The following HMGCLL1 variants were observed in gnomAD, a reference collection of about 807,000 sequenced individuals.
The protein encoded by HMGCLL1 is 3-hydroxymethyl-3-methylglutaryl-CoA lyase, cytoplasmic.
Under a neutral mutation model 39.1 loss-of-function variants are expected in HMGCLL1, and 36 were observed. The ratio of observed to expected loss-of-function variants is 0.92; its 90% CI spans 0.71 to 1.22. The LOEUF is 1.22. HMGCLL1 is among the 50% of genes most tolerant of loss of function. The pLI, the probability that HMGCLL1 is intolerant of heterozygous loss-of-function variation, is 0.00. For missense variants in HMGCLL1, 451 were observed against 416.5 expected (o/e 1.08, Z -0.72); for synonymous variants, 149 against 144.0 (o/e 1.03, Z -0.25).
chr6:55,515,808 T>A (rs988682967), intron 4 of HMGCLL1, among the ~76,000 whole-genome samples: 4 of 152,150 alleles, frequency 2.6e-5, no homozygotes, highest in African/African-American at 9.7e-5. Context: ...AAATACATTA[T>A]ACGATTAATA....
chr6:55,563,463 G>T (rs942326691), intron 1 of HMGCLL1, among the ~76,000 whole-genome samples: 12 of 152,112 alleles, frequency 7.9e-5, no homozygotes, highest in African/African-American at 2.7e-4. Context: ...TATTGATTAT[G>T]CATAAATTTA....
At chr6:55,557,861 C>T (rs549315372) in intron 1 of HMGCLL1, among the ~76,000 whole-genome samples, 3 of 152,310 alleles carry the variant, frequency 2.0e-5, no homozygotes, top group African/African-American at 7.2e-5. Context: ...CTTAAAAGTG[C>T]TTCATGTACT....
intron 1 of HMGCLL1, among the ~76,000 whole-genome samples, chr6:55,551,746 G>A (rs1414185914): frequency 6.6e-6 from 1 of 152,024 alleles, no homozygotes; most frequent in African/African-American, 2.4e-5. Context: ...AACCCCAATT[G>A]TAGCTTCTGT....
chr6:55,445,338 A>G (rs1230998645), intron 7 of HMGCLL1, among the ~76,000 whole-genome samples: 1 of 152,000 alleles, frequency 6.6e-6, no homozygotes, highest in African/African-American at 2.4e-5. Context: ...TTATTTCACT[A>G]TGTATGTTTT....
the HMGCLL1 span, among the ~76,000 whole-genome samples, chr6:55,600,649 T>G: frequency 6.6e-6 from 1 of 152,128 alleles, no homozygotes; most frequent in African/African-American, 2.4e-5. Context: ...AGATATGCAA[T>G]GTAATTCTAA....
At chr6:55,663,358 T>C in the HMGCLL1 span, among the ~76,000 whole-genome samples, 7 of 151,410 alleles carry the variant, frequency 4.6e-5, no homozygotes, top group Admixed American at 1.3e-4. Context: ...GATTTAGCTG[T>C]GACCCAGAGA....
At chr6:55,608,571 GA>G in the HMGCLL1 span, among the ~76,000 whole-genome samples, 2 of 151,826 alleles carry the variant, frequency 1.3e-5, no homozygotes, top group African/African-American at 2.4e-5. Context: ...GCAAAATAAA[GA>G]AAAAAAGCCT....
At chr6:55,545,127 T>C (rs571432108) in intron 1 of HMGCLL1, among the ~76,000 whole-genome samples, 61 of 152,112 alleles carry the variant, frequency 4.0e-4, no homozygotes, top group Middle Eastern at 3.4e-3. Flanking sequence ...TATCACTGAT[T>C]GTTTCTTGAA....
intron 1 of HMGCLL1, among the ~76,000 whole-genome samples, chr6:55,563,413 A>C (rs1300734376): frequency 6.6e-6 from 1 of 152,120 alleles, no homozygotes; most frequent in Non-Finnish European, 1.5e-5. Context: ...TTTGGTTTTC[A>C]ATTCCTATTA....
chr6:55,595,237 C>A, the HMGCLL1 span, among the ~76,000 whole-genome samples: 1 of 152,122 alleles, frequency 6.6e-6, no homozygotes, highest in East Asian at 1.9e-4. Context: ...AACATCCGAA[C>A]AAATATAAGT....
the HMGCLL1 span, among the ~76,000 whole-genome samples, chr6:55,590,447 C>A: frequency 1.3e-5 from 2 of 151,938 alleles, no homozygotes; most frequent in Non-Finnish European, 2.9e-5. Flanking sequence ...CCATAAAAGC[C>A]CTAGAAGAAA....
At chr6:55,436,034 C>T (rs1763358845) in intron 8 of HMGCLL1, among the ~76,000 whole-genome samples, 1 of 151,710 alleles carries the variant, frequency 6.6e-6, no homozygotes. Context: ...ATAATTCAGG[C>T]TGGTATCTAG....
At chr6:55,487,946 A>G (rs1766124740) in intron 7 of HMGCLL1, among the ~76,000 whole-genome samples, 1 of 152,088 alleles carries the variant, frequency 6.6e-6, no homozygotes. Flanking sequence ...GAAACTCTCC[A>G]AGGTCAGTAA....
chr6:55,558,774 C>T (rs571157355), intron 1 of HMGCLL1, among the ~76,000 whole-genome samples: 1 of 152,296 alleles, frequency 6.6e-6, no homozygotes, highest in African/African-American at 2.4e-5. Flanking sequence ...ACTTTGCTTT[C>T]AACCATGCTA....
intron 7 of HMGCLL1, among the ~76,000 whole-genome samples, chr6:55,458,155 T>G (rs1764406688): frequency 6.6e-6 from 1 of 152,186 alleles, no homozygotes; most frequent in Non-Finnish European, 1.5e-5. Context: ...TTTCCTTAAG[T>G]CTTTGCTTTT....
At chr6:55,484,391 A>T (rs187879137) in intron 7 of HMGCLL1, among the ~76,000 whole-genome samples, 11 of 151,824 alleles carry the variant, frequency 7.2e-5, no homozygotes, top group Non-Finnish European at 2.9e-5. Flanking sequence ...CATCTTGTAC[A>T]GTCTGCTGGA....
intron 2 of HMGCLL1, 78 bp downstream of exon 2, chr6:55,541,982 A>G (rs1769464650): frequency 9.6e-7 from 1 of 1,045,680 alleles, no homozygotes; most frequent in African/African-American, 1.6e-5. Context: ...CAGATAACAT[A>G]TGAAATCCAT....
At chr6:55,458,207 A>G (rs891908191) in intron 7 of HMGCLL1, among the ~76,000 whole-genome samples, 4 of 152,206 alleles carry the variant, frequency 2.6e-5, no homozygotes, top group Non-Finnish European at 4.4e-5. Flanking sequence ...AGTGGCAAGT[A>G]TTCATCATAT....
intron 1 of HMGCLL1, among the ~76,000 whole-genome samples, chr6:55,557,657 T>A (rs927554142): frequency 2.0e-5 from 3 of 152,192 alleles, no homozygotes; most frequent in Admixed American, 6.5e-5. Flanking sequence ...ATGTTGGGAA[T>A]GTGAGCAGGC....
Sources: gnomAD v4.1 joint callset for allele counts (sites outside exome capture counted in the v4.1 genomes callset) on GRCh38, gnomAD v4.1.1 for gene constraint, MANE v1.5 for transcripts, NCBI Gene and HGNC (gene_info 2026-07-23, HGNC 2026-07-21) for gene names.